The following CCNJL variants were observed in gnomAD, a reference collection of about 807,000 sequenced individuals.
The protein encoded by CCNJL is cyclin-J-like protein.
Under a neutral mutation model 33.4 loss-of-function variants are expected in CCNJL, and 33 were observed. The ratio of observed to expected loss-of-function variants is 0.99; its 90% CI spans 0.75 to 1.32. The LOEUF is 1.32. CCNJL is among the 40% of genes most tolerant of loss of function. CCNJL has a pLI of 0.00. For missense variants in CCNJL, 512 were observed against 499.7 expected (o/e 1.02, Z -0.23); for synonymous variants, 227 against 220.9 (o/e 1.03, Z -0.24).
chr5:160,309,188 GGAT>G (rs1263844305), intron 2 of CCNJL, among the ~76,000 whole-genome samples: 1 of 152,214 alleles, frequency 6.6e-6, no homozygotes, highest in African/African-American at 2.4e-5. Flanking sequence ...TGGGAAGAAT[GGAT>G]GATAGGGGCC....
upstream of CCNJL, among the ~76,000 whole-genome samples, chr5:160,313,504 T>A (rs1270168165): frequency 6.6e-6 from 1 of 152,208 alleles, no homozygotes; most frequent in East Asian, 1.9e-4. Context: ...TGAAGAGCCT[T>A]TAGTTTCTGA....
chr5:160,257,380 C>G (rs1761114393), intron 4 of CCNJL, among the ~76,000 whole-genome samples: 1 of 151,988 alleles, frequency 6.6e-6, no homozygotes, highest in Non-Finnish European at 1.5e-5. Flanking sequence ...GAGGCTGAGG[C>G]AGGAGAATCG....
At chr5:160,299,685 A>T (rs1386199840) in intron 2 of CCNJL, among the ~76,000 whole-genome samples, 1 of 151,502 alleles carries the variant, frequency 6.6e-6, no homozygotes, top group Admixed American at 6.6e-5. Context: ...GGAGCAGATG[A>T]AACAGGTGAG....
intron 1 of CCNJL, among the ~76,000 whole-genome samples, chr5:160,331,133 T>C (rs1045719048): frequency 2.0e-5 from 3 of 152,114 alleles, no homozygotes; most frequent in Admixed American, 6.5e-5. Flanking sequence ...TCACCACTTA[T>C]CACTTGCCAT....
intron 2 of CCNJL, among the ~76,000 whole-genome samples, chr5:160,302,268 G>A (rs1318796051): frequency 6.6e-6 from 1 of 152,138 alleles, no homozygotes; most frequent in African/African-American, 2.4e-5. Flanking sequence ...AAATGACATA[G>A]AAGGTTATTT....
chr5:160,285,542 G>A (rs1411263129), intron 2 of CCNJL, among the ~76,000 whole-genome samples: 3 of 152,188 alleles, frequency 2.0e-5, no homozygotes, highest in Non-Finnish European at 4.4e-5. Context: ...GGGAAGTCGT[G>A]ACCAACTCTA....
intron 2 of CCNJL, among the ~76,000 whole-genome samples, chr5:160,306,467 G>A (rs888571169): frequency 6.6e-6 from 1 of 152,098 alleles, no homozygotes; most frequent in Non-Finnish European, 1.5e-5. Flanking sequence ...CCCAGTGGAC[G>A]AGAAGGAGGG....
At position 160,260,099 on chromosome 5, in the gene CCNJL, T is replaced by C. The variant is rs189157274; in HGVS notation, c.281-328A>G. Among the ~76,000 whole-genome samples, 31 of 152,352 alleles carry C rather than the reference T, an allele frequency of 2.0e-4. No individual in the cohort carries two copies. The East Asian group carries it at 5.8e-3, about 28-fold the overall frequency. On this transcript the variant is annotated intron_variant, in intron 3 of 5. Coordinates refer to ENST00000257536, the MANE Select transcript of CCNJL (RefSeq NM_001308173.3). Reference sequence around the variant, plus strand: ...CAAACCAAATGCTCAGACAAGCCTCTGGAACACAAAGCAGCCGATAGCGGT... The same window carrying C: ...CAAACCAAATGCTCAGACAAGCCTCCGGAACACAAAGCAGCCGATAGCGGT...
upstream of CCNJL, among the ~76,000 whole-genome samples, chr5:160,314,344 G>C (rs141427198): frequency 1.9e-3 from 286 of 152,310 alleles, no homozygotes; most frequent in Middle Eastern, 3.4e-3. Context: ...TTCACTGTAT[G>C]ATAAATGTGG....
rs201691454 is a variant in CCNJL, at chr5:160,253,734, C to T, written c.808G>A (p.Gly270Ser). Residue 270 changes from glycine (G) to serine (S), a missense_variant, in exon 6 of 6, where the codon GGC becomes AGC. Transcript: ENST00000257536. ...VKSQALAMVP[G>S]TPPTPTQVLF... ...ACTTGAGTGGGGGTGGGGGGTGTGCCGGGCACCATTGCCAAGGCCTGGCTC... is the reference window on the plus strand; with the variant it reads ...ACTTGAGTGGGGGTGGGGGGTGTGCTGGGCACCATTGCCAAGGCCTGGCTC... The T allele has an allele frequency of 1.2e-5, 19 of 1,568,876 alleles. No individual in the cohort carries two copies. Among genetic ancestry groups the T allele is most frequent in the Non-Finnish European group, 1.5e-5 (17 of 1,158,744 alleles).
Position 160,333,591 on chromosome 5 carries a change from CA to C in CCNJL, n.206+5853del, listed in dbSNP as rs565928049. ...GGGTAACAGAGTGAGACCCTGTCTC[CA>C]AAAAAAAAAAAAAATCCCTTTCTAT... On this transcript the variant is annotated intron_variant and non_coding_transcript_variant, in intron 1 of 7. Coordinates refer to the CCNJL transcript ENST00000377503. Among the ~76,000 whole-genome samples the C allele has an allele frequency of 5.8e-3, 740 of 128,064 alleles. 1 individual carries two copies. The highest frequency in any genetic ancestry group is 6.6e-3 in the Admixed American group (83 of 12,568). The allele number at this position is 128,064 out of a possible 152,430, so 84.0% of individuals were successfully genotyped here. A position where few individuals can be genotyped will look rare whatever the true frequency, so the allele number is the denominator to read the frequency against.
intron 4 of CCNJL, chr5:160,258,504 T>C (rs1761170842): frequency 4.8e-6 from 7 of 1,450,252 alleles, no homozygotes; most frequent in African/African-American, 4.2e-5. Flanking sequence ...GGACCAAATA[T>C]GAAGAGGAAA....
chr5:160,255,308 G>A (rs1761011631), intron 5 of CCNJL: 4 of 301,302 alleles, frequency 1.3e-5, no homozygotes, highest in Admixed American at 9.9e-5. Flanking sequence ...GCGAGACTCT[G>A]TCTCAAAAAA....
chr5:160,264,132 G>A (rs1761470189), intron 3 of CCNJL, among the ~76,000 whole-genome samples: 1 of 152,034 alleles, frequency 6.6e-6, no homozygotes. Context: ...TTTTAGTAGA[G>A]CCCAGGCTGG....
rs560510696 is a variant in CCNJL at position 160,282,100 on chromosome 5, G to A, written c.67-1362C>T. On this transcript the variant is annotated intron_variant, in intron 2 of 5. Transcript: ENST00000257536. Reference sequence around the variant, plus strand: ...TTATGGCAGGCTCACAACGGGATGAGATCGAAACAAATTGGTGCCCCTCTT... The same window carrying A: ...TTATGGCAGGCTCACAACGGGATGAAATCGAAACAAATTGGTGCCCCTCTT... Among the ~76,000 whole-genome samples, 3 of 152,340 alleles carry A rather than the reference G, an allele frequency of 2.0e-5. No individual in the cohort carries two copies. In the East Asian group the frequency reaches 5.8e-4, roughly 29 times the overall value.
At chr5:160,253,840 C>T in intron 5 of CCNJL, 42 bp from the exon 6 acceptor site, 1 of 1,432,692 alleles carries the variant, frequency 7.0e-7, no homozygotes. Flanking sequence ...GGCCAAAAGC[C>T]ACCAGATGCC....
intron 3 of CCNJL, chr5:160,269,428 G>A (rs1486939712): frequency 2.2e-6 from 1 of 456,536 alleles, no homozygotes; most frequent in South Asian, 1.5e-5. Context: ...AGGTTTCGGT[G>A]TCACTGCTTT....
At chr5:160,258,959 C>T (rs1046855347) in intron 4 of CCNJL, among the ~76,000 whole-genome samples, 1 of 152,138 alleles carries the variant, frequency 6.6e-6, no homozygotes, top group Admixed American at 6.5e-5. Context: ...CCTCCCATTA[C>T]AGGTGTGAGC....
At chr5:160,278,466 G>C (rs1230758145) in intron 3 of CCNJL, among the ~76,000 whole-genome samples, 1 of 152,160 alleles carries the variant, frequency 6.6e-6, no homozygotes, top group African/African-American at 2.4e-5. Context: ...GGGGAGAGGG[G>C]AGGAGGGAAG....
Sources: gnomAD v4.1 joint callset for allele counts (sites outside exome capture counted in the v4.1 genomes callset) on GRCh38, gnomAD v4.1.1 for gene constraint, MANE v1.5 for transcripts, NCBI Gene and HGNC (gene_info 2026-07-23, HGNC 2026-07-21) for gene names.